Variants in AHSG observed in about 807,000 individuals in gnomAD.
AHSG encodes alpha-2-HS-glycoprotein.
AHSG carries 23 observed loss-of-function variants against 30.1 expected under a neutral mutation model. That is an observed-to-expected ratio of 0.76 (90% CI 0.55 to 1.08). The LOEUF is 1.08. Among genes scored for constraint, AHSG ranks in the 50% least tolerant of loss-of-function variants. The probability of loss-of-function intolerance (pLI) is 0.00; values close to 1 mark genes in which losing one functional copy is unlikely to be tolerated. For missense variants in AHSG, 469 were observed against 459.5 expected (o/e 1.02, Z -0.19); for synonymous variants, 164 against 186.3 (o/e 0.88, Z 0.98).
intron 5 of AHSG, among the ~76,000 whole-genome samples, chr3:186,619,093 G>A (rs967312917): frequency 2.0e-5 from 3 of 152,050 alleles, no homozygotes; most frequent in East Asian, 1.9e-4. Flanking sequence ...TCAGGAGATC[G>A]AGACCATCCT....
intron 5 of AHSG, 51 bp from the exon 6 acceptor site, chr3:186,619,806 G>T: frequency 1.4e-6 from 2 of 1,459,092 alleles, no homozygotes; most frequent in East Asian, 2.3e-5. Context: ...GAAATTGGGG[G>T]GGATCCATTT....
chr3:186,616,552 A>C, intron 3 of AHSG, 25 bp downstream of exon 3: 116 of 1,562,876 alleles, frequency 7.4e-5, no homozygotes, highest in Non-Finnish European at 9.4e-5. Flanking sequence ...TCTTATTCTC[A>C]TTTTTTCCTT....
At position 186,620,760 on chromosome 3, in the gene AHSG, G is replaced by A. The variant is rs931078304; in HGVS notation, c.934G>A (p.Ala312Thr). 26 of 1,614,058 alleles carry A rather than the reference G, an allele frequency of 1.6e-5. No individual in the cohort carries two copies. Among genetic ancestry groups the A allele is most frequent in the East Asian group, 2.2e-5 (1 of 44,874 alleles). Residue 312 changes from alanine (A) to threonine (T), a missense_variant, in exon 7 of 7, where the codon GCG (alanine) becomes ACG (threonine). By Grantham distance (58) the Ala-to-Thr change is moderately conservative. Coordinates refer to ENST00000411641, the MANE Select transcript of AHSG (RefSeq NM_001622.4). ...AAPPGHQLHR[A>T]HYDLRHTFMG... The stretch of plus-strand genomic sequence containing the variant: ...TCCTCCAGGACACCAGTTGCACCGG[G>A]CGCACTACGACCTGCGCCACACCTT...
chr3:186,618,422 C>A, intron 4 of AHSG, 114 bp from the exon 5 acceptor site: 1 of 1,506,398 alleles, frequency 6.6e-7, no homozygotes, highest in South Asian at 1.3e-5. Flanking sequence ...TCTGGGCCGA[C>A]GCATGGTCTG....
At position 186,615,680 on chromosome 3, in the gene AHSG, C is replaced by T. The variant is rs1177821829; in HGVS notation, c.214-5C>T. 2 of 1,612,966 alleles carry T rather than the reference C, an allele frequency of 1.2e-6. No individual in the cohort carries two copies. The highest frequency in any genetic ancestry group is 2.2e-5 in the South Asian group (2 of 91,062). ...TGCTCACGGCTTCACTCTTTGTCTC[C>T]ACAGCAGCCCTCCGGAGAGCTGTTT... On this transcript the variant is annotated splice_polypyrimidine_tract_variant and splice_region_variant and intron_variant, in intron 1 of 6. Transcript: ENST00000411641.
intron 4 of AHSG, among the ~76,000 whole-genome samples, chr3:186,618,256 G>A (rs895436961): frequency 2.6e-5 from 4 of 152,102 alleles, no homozygotes; most frequent in Non-Finnish European, 2.9e-5. Flanking sequence ...TTCTGATTCC[G>A]GTTTCCTATC....
Position 186,617,367 on chromosome 3 carries a change from T to A in AHSG, c.573+17T>A, listed in dbSNP as rs771711078. ...CAGCTTGTGGTAAAGACTGAGATTC[T>A]TTTGACAGGTTGGGCAGTTCGGTGG... On this transcript the variant is annotated intron_variant, in intron 4 of 6. Coordinates refer to ENST00000411641, the MANE Select transcript of AHSG (RefSeq NM_001622.4). The A allele has an allele frequency of 6.2e-7, 1 of 1,614,194 alleles. No homozygotes were observed. Among genetic ancestry groups the A allele is most frequent in the South Asian group, 1.1e-5 (1 of 91,084 alleles).
chr3:186,613,131 C>T lies in AHSG; in HGVS notation c.-11C>T, dbSNP rs779525075. The T allele has an allele frequency of 1.9e-6, 3 of 1,613,810 alleles. No homozygotes were observed. Among genetic ancestry groups the T allele is most frequent in the Non-Finnish European group, 2.5e-6 (3 of 1,179,874 alleles). ...CACCTGCACGCCTGCCAGGGCCTCT[C>T]TGGGGCAGCCATGAAGTCCCTCGTC... On this transcript the variant is annotated 5_prime_UTR_variant, in exon 1 of 7. Transcript: ENST00000411641.
intron 5 of AHSG, 68 bp from the exon 6 acceptor site, chr3:186,619,789 C>G: frequency 7.8e-7 from 1 of 1,287,446 alleles, no homozygotes; most frequent in Non-Finnish European, 1.1e-6. Flanking sequence ...AAGGTTGGCG[C>G]GTCAATGAAA....
In AHSG at chr3:186,613,139, GC is replaced by G; in HGVS notation, c.-1del. On this transcript the variant is annotated 5_prime_UTR_variant, in exon 1 of 7. Transcript: ENST00000411641. ...CGCCTGCCAGGGCCTCTCTGGGGCA[GC>G]CATGAAGTCCCTCGTCCTGCTCCTT... 3 of 1,613,984 alleles carry G rather than the reference GC, an allele frequency of 1.9e-6. No homozygotes were observed. The highest frequency in any genetic ancestry group is 2.5e-6 in the Non-Finnish European group (3 of 1,179,936).
At position 186,613,151 on chromosome 3, in the gene AHSG, C is replaced by T. The variant is rs199537494; in HGVS notation, c.10C>T (p.Leu4Phe). Residue 4 changes from leucine (L) to phenylalanine (F), a missense_variant, in exon 1 of 7, where the codon CTC (leucine) becomes TTC (phenylalanine). Transcript: ENST00000411641. ...CCTCTCTGGGGCAGCCATGAAGTCC[C>T]TCGTCCTGCTCCTTTGTCTTGCTCA... MKS[L>F]VLLLCLAQLW... 6.2e-7 allele frequency: 1 copy of T among 1,614,080 alleles called. No homozygotes were observed. Among genetic ancestry groups the T allele is most frequent in the African/African-American group, 1.3e-5 (1 of 75,034 alleles).
At chr3:186,618,240 C>T (rs1429899827) in intron 4 of AHSG, among the ~76,000 whole-genome samples, 2 of 152,196 alleles carry the variant, frequency 1.3e-5, no homozygotes, top group Non-Finnish European at 2.9e-5. Flanking sequence ...CAGTCTAATG[C>T]TGGCCTTCTG....
Position 186,617,360 on chromosome 3 carries a change from G to A in AHSG, c.573+10G>A. ...CCGGGCTCAGCTTGTGGTAAAGACT[G>A]AGATTCTTTTGACAGGTTGGGCAGT... On this transcript the variant is annotated intron_variant, in intron 4 of 6. Coordinates refer to ENST00000411641, the MANE Select transcript of AHSG (RefSeq NM_001622.4). 2 of 1,614,222 alleles carry A rather than the reference G, an allele frequency of 1.2e-6. No individual in the cohort carries two copies.
intron 2 of AHSG, 44 bp downstream of exon 2, chr3:186,615,839 G>C (rs1447455833): frequency 2.0e-6 from 3 of 1,523,748 alleles, no homozygotes; most frequent in Non-Finnish European, 2.7e-6. Flanking sequence ...CCTTCGGCCA[G>C]CTCCACCGAT....
In AHSG at chr3:186,620,785, T is replaced by A; in HGVS notation, c.959T>A (p.Phe320Tyr). 6.2e-7 allele frequency: 1 copy of A among 1,614,090 alleles called. No individual in the cohort carries two copies. Among genetic ancestry groups the A allele is most frequent in the Non-Finnish European group, 8.5e-7 (1 of 1,180,012 alleles). Reference protein sequence around the residue: ...HRAHYDLRHTFMGVVSLGSPS... With the variant: ...HRAHYDLRHTYMGVVSLGSPS... ...GCGCACTACGACCTGCGCCACACCT[T>A]CATGGGTGTGGTCTCATTGGGGTCA... Residue 320 changes from phenylalanine (F) to tyrosine (Y), a missense_variant, in exon 7 of 7, where the codon TTC (phenylalanine) becomes TAC (tyrosine). Transcript: ENST00000411641.
chr3:186,615,044 G>A (rs1716255364), intron 1 of AHSG, among the ~76,000 whole-genome samples: 1 of 152,116 alleles, frequency 6.6e-6, no homozygotes, highest in African/African-American at 2.4e-5. Flanking sequence ...CGCCAGCAGG[G>A]GGAAGTAGAG....
intron 2 of AHSG, 118 bp downstream of exon 2, chr3:186,615,913 T>C (rs1173184370): frequency 1.1e-6 from 1 of 893,724 alleles, no homozygotes; most frequent in East Asian, 2.6e-5. Context: ...TTGCCATTTG[T>C]GGCCGAGCGC....
At chr3:186,615,824 G>C in intron 2 of AHSG, 29 bp downstream of exon 2, 1 of 1,583,152 alleles carries the variant, frequency 6.3e-7, no homozygotes, top group Non-Finnish European at 8.7e-7. Flanking sequence ...ATGACTGTAG[G>C]TGGCCCTTCG....
At chr3:186,618,986 T>C (rs191161587) in intron 5 of AHSG, among the ~76,000 whole-genome samples, 6 of 152,322 alleles carry the variant, frequency 3.9e-5, no homozygotes, top group South Asian at 4.1e-4. Context: ...TGTACACTTC[T>C]AGGATTTTAG....
Sources: gnomAD v4.1 joint callset for allele counts (sites outside exome capture counted in the v4.1 genomes callset) on GRCh38, gnomAD v4.1.1 for gene constraint, MANE v1.5 for transcripts, NCBI Gene and HGNC (gene_info 2026-07-23, HGNC 2026-07-21) for gene names.